Variants in TACC2 observed in about 807,000 individuals in gnomAD.
The protein encoded by TACC2 is transforming acidic coiled-coil containing protein 2.
A neutral mutation model predicts 227.3 loss-of-function variants in TACC2; 137 were observed. The ratio of observed to expected loss-of-function variants is 0.60; its 90% confidence interval spans 0.52 to 0.69. TACC2 has a LOEUF of 0.69. Among genes scored for constraint, TACC2 ranks in the 30% least tolerant of loss-of-function variants. The pLI, the probability that TACC2 is intolerant of heterozygous loss-of-function variation, is 0.00. For missense variants in TACC2, 3,470 were observed against 3,694.4 expected (o/e 0.94, Z 1.57); for synonymous variants, 1,523 against 1,487.5 (o/e 1.02, Z -0.55).
Position 122,050,625 on chromosome 10 carries a change from GC to G in TACC2, c.146+79del. The G allele has an allele frequency of 8.1e-7, 1 of 1,235,654 alleles. No individual in the cohort carries two copies. The highest frequency in any genetic ancestry group is 1.2e-6 in the Non-Finnish European group (1 of 855,918). The allele number at this position is 1,235,654 out of a possible 1,614,324, so 76.5% of individuals were successfully genotyped here. A position where few individuals can be genotyped will look rare whatever the true frequency, so the allele number is the denominator to read the frequency against. ...CATTGCCTGCTCCAGCATTAGCTTT[GC>G]CCCATTTGCTTTGGAAACTGGACCC... On this transcript the variant is annotated intron_variant, in intron 3 of 22. Coordinates refer to ENST00000369005, the MANE Select transcript of TACC2 (RefSeq NM_206862.4). This position sits in a 1 kb window ranked among gnomAD's most constrained non-coding sequence, Gnocchi z 4.6.
At chr10:122,241,722 C>A in intron 18 of TACC2, 1 of 580,558 alleles carries the variant, frequency 1.7e-6, no homozygotes, top group Non-Finnish European at 3.1e-6. Flanking sequence ...ACCACTCTAC[C>A]TGGTTTGATT....
chr10:122,028,782 G>GCTCCC (rs1413955463), intron 2 of TACC2, among the ~76,000 whole-genome samples: 1,488 of 17,468 alleles, frequency 0.085, 149 homozygotes, highest in African/African-American at 0.11. Context: ...CCTTGCCTCC[G>GCTCCC]CTCCCCTCCC....
chr10:122,237,327 G>A, intron 16 of TACC2, 68 bp from the exon 17 acceptor site: 1 of 1,451,102 alleles, frequency 6.9e-7, no homozygotes, highest in Non-Finnish European at 9.3e-7. Context: ...ATGAGAGGGT[G>A]AGTGTAATCC....
intron 7 of TACC2, among the ~76,000 whole-genome samples, chr10:122,160,538 T>G (rs866299934): frequency 2.3e-4 from 34 of 150,796 alleles, no homozygotes; most frequent in South Asian, 6.3e-4. Flanking sequence ...AGTGTGTGTG[T>G]GGGGGGGGTC....
At chr10:122,001,332 T>C (rs1020682582) in intron 1 of TACC2, among the ~76,000 whole-genome samples, 3 of 152,196 alleles carry the variant, frequency 2.0e-5, no homozygotes, top group African/African-American at 7.2e-5. Context: ...CAAGGTTATG[T>C]CTTACATGGT....
At chr10:122,096,363 C>T (rs11200397) in intron 5 of TACC2, among the ~76,000 whole-genome samples, 57,229 of 152,038 alleles carry the variant, frequency 0.38, 11,597 homozygotes, top group East Asian at 0.68. Flanking sequence ...GTGGCAAACC[C>T]TCCCTGCCCA....
chr10:122,088,829 TA>T, intron 5 of TACC2: 1 of 1,367,330 alleles, frequency 7.3e-7, no homozygotes, highest in Non-Finnish European at 9.8e-7. Flanking sequence ...ACCTTAAATT[TA>T]AAAAGTCAGT....
At chr10:122,007,077 G>A (rs1955264547) in intron 1 of TACC2, among the ~76,000 whole-genome samples, 1 of 151,882 alleles carries the variant, frequency 6.6e-6, no homozygotes, top group Admixed American at 6.6e-5. Context: ...GGTCAGGCTG[G>A]TCTCAAACTC....
intron 2 of TACC2, among the ~76,000 whole-genome samples, chr10:122,026,796 A>G (rs917350065): frequency 6.7e-6 from 1 of 150,074 alleles, no homozygotes; most frequent in African/African-American, 2.5e-5. Flanking sequence ...ATGTTTTTTC[A>G]TTGCTTTGTC....
At chr10:122,128,574 G>A (rs899591505) in intron 5 of TACC2, among the ~76,000 whole-genome samples, 2 of 152,196 alleles carry the variant, frequency 1.3e-5, no homozygotes, top group African/African-American at 4.8e-5. Context: ...GGTCCTCCCA[G>A]TGGAAAATAT....
intron 1 of TACC2, among the ~76,000 whole-genome samples, chr10:122,013,558 T>G (rs752724469): frequency 6.6e-6 from 1 of 152,172 alleles, no homozygotes; most frequent in Non-Finnish European, 1.5e-5. Context: ...TGAATAGCAA[T>G]GGGCTTAGGT....
In TACC2 at chr10:122,223,053, CTT is replaced by C. The variant is rs35098612; in HGVS notation, c.7547-1654_7547-1653del. ...TTCCTCCTCCTCTCTCTCTCTCTCT[CTT>C]TTTTTTTTTTTTTTTTTTGAGGCAG... On this transcript the variant is annotated intron_variant, in intron 11 of 22. Transcript: ENST00000369005. Among the ~76,000 whole-genome samples the C allele has an allele frequency of 3.4e-3, 322 of 93,982 alleles. 2 individuals are homozygous for C. The highest frequency in any genetic ancestry group is 9.9e-3 in the African/African-American group (241 of 24,382). 61.7% of individuals were successfully genotyped at this position (93,982 alleles called of 152,430 possible).
At chr10:122,228,329 C>A (rs373108301) in intron 14 of TACC2, among the ~76,000 whole-genome samples, 8 of 152,338 alleles carry the variant, frequency 5.3e-5, no homozygotes, top group Non-Finnish European at 8.8e-5. Flanking sequence ...TCTGCCGCTT[C>A]GTCCTTGATG....
intron 5 of TACC2, among the ~76,000 whole-genome samples, chr10:122,115,271 AGTGTGTGTGTGTGT>A (rs1180604805): frequency 0.018 from 1,064 of 60,762 alleles, 16 homozygotes; most frequent in African/African-American, 0.03. Context: ...TAGGTAGGTG[AGTGTGTGTGTGTGT>A]GTGTGTGTGT....
At chr10:122,201,478 T>C (rs2094849115) in intron 8 of TACC2, among the ~76,000 whole-genome samples, 1 of 150,732 alleles carries the variant, frequency 6.6e-6, no homozygotes, top group African/African-American at 2.4e-5. Flanking sequence ...ACTGAAAGGA[T>C]GGCGACGTCA....
Position 122,084,638 on chromosome 10 carries a change from T to C in TACC2, c.2138T>C (p.Phe713Ser). The C allele has an allele frequency of 6.2e-7, 1 of 1,613,790 alleles. No individual in the cohort carries two copies. Among genetic ancestry groups the C allele is most frequent in the Non-Finnish European group, 8.5e-7 (1 of 1,180,038 alleles). The change falls in exon 4 of 23, where the codon TTC becomes TCC. Residue 713 changes from phenylalanine to serine, a missense_variant. By Grantham distance (155) the Phe-to-Ser change is radical (BLOSUM62 -2). Coordinates refer to ENST00000369005, the MANE Select transcript of TACC2 (RefSeq NM_206862.4). ...SREGLGRMES[F>S]LTLESEKSDF... is the part of the protein sequence containing the mutation. ...GAAGGATTGGGAAGAATGGAGTCTT[T>C]CCTGACTTTAGAATCAGAGAAATCA... is the stretch of plus-strand genomic sequence containing the variant.
At chr10:122,199,976 A>G (rs1056256640) in intron 8 of TACC2, among the ~76,000 whole-genome samples, 4 of 152,206 alleles carry the variant, frequency 2.6e-5, no homozygotes, top group Non-Finnish European at 5.9e-5. Context: ...CCACCTCCTG[A>G]TACCATCACC....
chr10:122,001,386 C>T (rs1266042687), intron 1 of TACC2, among the ~76,000 whole-genome samples: 3 of 151,748 alleles, frequency 2.0e-5, no homozygotes, highest in African/African-American at 2.4e-5. Flanking sequence ...CTTTATAAAA[C>T]CATCAGATCT....
chr10:122,246,381 C>A, intron 19 of TACC2: 1 of 152,160 alleles, frequency 6.6e-6, no homozygotes. Context: ...TAACAGTGTG[C>A]CTAGTCCTGG....
Sources: gnomAD v4.1 joint callset for allele counts (sites outside exome capture counted in the v4.1 genomes callset) on GRCh38, gnomAD v4.1.1 for gene constraint, Gnocchi (gnomAD v3.1) non-coding constraint, MANE v1.5 for transcripts, NCBI Gene and HGNC (gene_info 2026-07-23, HGNC 2026-07-21) for gene names.